Variants in KLHL13 observed in about 807,000 individuals in gnomAD.
The protein encoded by KLHL13 is kelch-like protein 13.
Under a neutral mutation model 37.1 loss-of-function variants are expected in KLHL13, and 10 were observed. The ratio of observed to expected loss-of-function variants is 0.27; its 90% CI spans 0.17 to 0.46. KLHL13 has a LOEUF of 0.46. KLHL13 is among the 20% of genes least tolerant of loss of function. The pLI is 1.00. For missense variants in KLHL13, 360 were observed against 509.3 expected (o/e 0.71, Z 2.82); for synonymous variants, 163 against 181.2 (o/e 0.90, Z 0.81).
chrX:118,012,855 C>T (rs2054086173), intron 1 of KLHL13, among the ~76,000 whole-genome samples: 1 of 111,390 alleles, frequency 9.0e-6, no homozygotes, highest in Admixed American at 9.6e-5. Flanking sequence ...GGTATATATA[C>T]AAACAAACAT....
At chrX:118,074,987 A>G (rs1195602234) in intron 1 of KLHL13, among the ~76,000 whole-genome samples, 1 of 111,987 alleles carries the variant, frequency 8.9e-6, no homozygotes, top group Non-Finnish European at 1.9e-5. Flanking sequence ...AATTGTTTAG[A>G]TTATCTGTGA....
At chrX:118,001,366 A>AATGTGAT (rs918805386) in intron 1 of KLHL13, among the ~76,000 whole-genome samples, 1 of 112,275 alleles carries the variant, frequency 8.9e-6, no homozygotes, top group African/African-American at 3.2e-5. Context: ...CAAAAGAGCC[A>AATGTGAT]ATGTGATATC....
chrX:117,909,761 C>A, exon 5 of KLHL13: 1 of 1,211,528 alleles, frequency 8.3e-7, no homozygotes, highest in Non-Finnish European at 1.1e-6. Flanking sequence ...TGTCAGTTCT[C>A]ATGAAATCCA....
intron 1 of KLHL13, chrX:117,983,515 G>T: frequency 5.2e-6 from 6 of 1,149,002 alleles, no homozygotes; most frequent in Non-Finnish European, 6.9e-6. Context: ...CCTTGAAATC[G>T]GCTTGTTTTA....
At chrX:117,985,896 T>C (rs1453548047) in intron 1 of KLHL13, among the ~76,000 whole-genome samples, 4 of 111,155 alleles carry the variant, frequency 3.6e-5, no homozygotes, top group Non-Finnish European at 7.6e-5. Flanking sequence ...TACATATAAC[T>C]CATCTCCCTG....
At chrX:117,927,306 A>G (rs1438993488) in intron 2 of KLHL13, among the ~76,000 whole-genome samples, 3 of 111,910 alleles carry the variant, frequency 2.7e-5, no homozygotes, top group Non-Finnish European at 5.6e-5. Flanking sequence ...TCCCAAGGCA[A>G]TTTCAAGGCA....
chrX:118,041,843 T>C lies in KLHL13; in HGVS notation c.-56+74665A>G, dbSNP rs183540176. Among the ~76,000 whole-genome samples the C allele has an allele frequency of 2.7e-5, 3 of 110,899 alleles. No homozygotes were observed. The East Asian group carries it at 8.6e-4, about 32-fold the overall frequency. On this transcript the variant is annotated intron_variant, in intron 1 of 6. Coordinates refer to the KLHL13 transcript ENST00000371882. The stretch of plus-strand genomic sequence containing the variant: ...GACCATAAAACAACCAGAAAACAAA[T>C]AACAAAATGGCTGAAGTCCTTACAA...
exon 1 of KLHL13, chrX:117,973,556 A>C (rs1242476011): frequency 2.1e-5 from 19 of 887,764 alleles, no homozygotes; most frequent in Non-Finnish European, 2.5e-5. Context: ...TGTAAGAAGA[A>C]TATAAACTGC....
At chrX:117,922,529 G>A (rs1211949646) in intron 2 of KLHL13, among the ~76,000 whole-genome samples, 1 of 111,916 alleles carries the variant, frequency 8.9e-6, no homozygotes, top group African/African-American at 3.2e-5. Context: ...ACATTGGGTA[G>A]GATGTAAACT....
chrX:118,018,488 C>A (rs768798815), intron 1 of KLHL13, among the ~76,000 whole-genome samples: 1 of 111,655 alleles, frequency 9.0e-6, no homozygotes, highest in African/African-American at 3.2e-5. Flanking sequence ...AGACAATGTA[C>A]TAATAATGGA....
At chrX:117,941,386 G>T (rs1933023977) in intron 2 of KLHL13, among the ~76,000 whole-genome samples, 1 of 111,592 alleles carries the variant, frequency 9.0e-6, no homozygotes, top group African/African-American at 3.3e-5. Context: ...TTTTTCTATT[G>T]TTTGGAATAG....
intron 1 of KLHL13, among the ~76,000 whole-genome samples, chrX:118,057,543 C>T (rs770361322): frequency 3.6e-4 from 40 of 111,999 alleles, no homozygotes; most frequent in African/African-American, 2.9e-4. Context: ...AAAAATCGGC[C>T]GGGGCCGTGG....
At chrX:117,936,699 T>C (rs770980788) in intron 2 of KLHL13, among the ~76,000 whole-genome samples, 1 of 110,679 alleles carries the variant, frequency 9.0e-6, no homozygotes, top group East Asian at 2.9e-4. Context: ...CCACATCCCA[T>C]AGCCAGAGCC....
intron 1 of KLHL13, among the ~76,000 whole-genome samples, chrX:118,076,942 C>G (rs2054935580): frequency 9.2e-6 from 1 of 108,558 alleles, no homozygotes; most frequent in African/African-American, 3.4e-5. Context: ...CTTCTCTCAA[C>G]CCCCACCCCT....
At chrX:118,068,553 C>T (rs925943533) in intron 1 of KLHL13, among the ~76,000 whole-genome samples, 20 of 110,564 alleles carry the variant, frequency 1.8e-4, no homozygotes, top group African/African-American at 6.6e-4. Context: ...CCAGCAGCCC[C>T]CATCAACCCT....
At chrX:118,041,880 C>T (rs750092865) in intron 1 of KLHL13, among the ~76,000 whole-genome samples, 4 of 111,815 alleles carry the variant, frequency 3.6e-5, no homozygotes, top group African/African-American at 6.5e-5. Context: ...ATTGAATCTA[C>T]GTGACTAAAT....
At chrX:118,052,980 A>G (rs1343640058) in intron 1 of KLHL13, among the ~76,000 whole-genome samples, 1 of 112,097 alleles carries the variant, frequency 8.9e-6, no homozygotes, top group Non-Finnish European at 1.9e-5. Context: ...GCAATTGTAT[A>G]TGGTACAAAA....
chrX:117,999,767 C>G (rs1422225427), intron 1 of KLHL13, among the ~76,000 whole-genome samples: 2 of 110,801 alleles, frequency 1.8e-5, no homozygotes, highest in African/African-American at 3.3e-5. Flanking sequence ...TTTCACAGAG[C>G]AGGCAACACA....
intron 1 of KLHL13, among the ~76,000 whole-genome samples, chrX:118,037,647 T>C (rs891796472): frequency 9.0e-6 from 1 of 110,886 alleles, no homozygotes; most frequent in Admixed American, 9.6e-5. Context: ...TAATGCTAGA[T>C]GACGAGTTAG....
Sources: allele counts gnomAD v4.1 joint callset (sites outside exome capture counted in the v4.1 genomes callset), GRCh38; gene constraint gnomAD v4.1.1; transcripts MANE v1.5; gene names NCBI Gene and HGNC (gene_info 2026-07-23, HGNC 2026-07-21).